The following CAPRIN1 variants were observed in gnomAD, a reference collection of about 807,000 sequenced individuals.
CAPRIN1 encodes caprin-1.
A neutral mutation model predicts 100.9 loss-of-function variants in CAPRIN1; 29 were observed. That is an observed-to-expected ratio of 0.29 (90% CI 0.21 to 0.39). The LOEUF (loss-of-function observed/expected upper bound fraction) is 0.39, where lower values mean the gene tolerates loss of function less well. Among genes scored for constraint, CAPRIN1 ranks in the 10% least tolerant of loss-of-function variants. CAPRIN1 has a pLI of 1.00. For missense variants in CAPRIN1, 795 were observed against 876.7 expected (o/e 0.91, Z 1.18); for synonymous variants, 338 against 307.5 (o/e 1.10, Z -1.04).
chr11:34,096,431 C>T (rs199861935), intron 15 of CAPRIN1, 48 bp from the exon 16 acceptor site: 16 of 1,412,824 alleles, frequency 1.1e-5, no homozygotes, highest in South Asian at 1.1e-4. Context: ...GGAGAACAAA[C>T]GGTAATGAGC....
chr11:34,065,036 T>G (rs1052582643), intron 2 of CAPRIN1, among the ~76,000 whole-genome samples: 4 of 142,990 alleles, frequency 2.8e-5, no homozygotes, highest in African/African-American at 1.0e-4. Context: ...CTCGGCTCAC[T>G]GCAAGCTCCA....
Position 34,086,094 on chromosome 11 carries a change from G to T in CAPRIN1, c.997G>T (p.Ala333Ser), listed in dbSNP as rs765697606. Residue 333 changes from alanine (A) to serine (S), a missense_variant, in exon 10 of 19, where the codon GCT becomes TCT. Ala to Ser is a moderately conservative substitution (Grantham distance 99). This residue lies in a region of CAPRIN1 where 648 missense variants were observed against 697.9 expected (regional missense o/e 0.93). Transcript: ENST00000341394. ...VVNSLQQQPQAASPSVPEPHS... is the reference protein window; with the variant it reads ...VVNSLQQQPQSASPSVPEPHS... ...AAATTCACTCCAGCAGCAACCTCAG[G>T]CTGCATCCCCTTCAGTACCAGAGCC... The T allele has an allele frequency of 8.7e-6, 14 of 1,613,798 alleles. No homozygotes were observed. The highest frequency in any genetic ancestry group is 1.3e-5 in the African/African-American group (1 of 74,836).
chr11:34,097,412 A>G, intron 17 of CAPRIN1, 116 bp downstream of exon 17: 3 of 864,342 alleles, frequency 3.5e-6, no homozygotes, highest in Non-Finnish European at 1.9e-6. Flanking sequence ...GTGGTGTCCA[A>G]GACACTCTGT....
intron 14 of CAPRIN1, 113 bp from the exon 15 acceptor site, chr11:34,091,793 A>T: frequency 1.1e-6 from 1 of 919,868 alleles, no homozygotes; most frequent in Non-Finnish European, 1.7e-6. Context: ...TTTGTGTTTG[A>T]GACCTCTGTG....
intron 11 of CAPRIN1, among the ~76,000 whole-genome samples, chr11:34,088,076 C>T (rs986458599): frequency 7.9e-5 from 12 of 152,270 alleles, no homozygotes; most frequent in East Asian, 7.7e-4. Flanking sequence ...TGGCTCGGCA[C>T]GCTGCAACCC....
chr11:34,078,006 A>T (rs1850938653), intron 6 of CAPRIN1, among the ~76,000 whole-genome samples: 1 of 152,110 alleles, frequency 6.6e-6, no homozygotes, highest in South Asian at 2.1e-4. Flanking sequence ...GTGTTATTAA[A>T]CCTTTAAGCT....
chr11:34,085,506 T>C (rs1471837901), intron 9 of CAPRIN1, among the ~76,000 whole-genome samples: 3 of 152,178 alleles, frequency 2.0e-5, no homozygotes, highest in Admixed American at 1.3e-4. Flanking sequence ...TGAAAGCAGC[T>C]TATAAAATAA....
chr11:34,097,925 A>AT, intron 18 of CAPRIN1, 164 bp downstream of exon 18: 1 of 1,372,212 alleles, frequency 7.3e-7, no homozygotes, highest in Non-Finnish European at 9.4e-7. Flanking sequence ...TTGGACCCAA[A>AT]TTTTAATTTT....
At chr11:34,066,952 G>T (rs201361968) in intron 2 of CAPRIN1, among the ~76,000 whole-genome samples, 2 of 129,730 alleles carry the variant, frequency 1.5e-5, no homozygotes, top group Non-Finnish European at 3.3e-5. Context: ...TTTTTTTTAA[G>T]ACAGTCTTAC....
intron 2 of CAPRIN1, chr11:34,053,603 A>G (rs1850383444): frequency 2.0e-5 from 3 of 152,232 alleles, no homozygotes; most frequent in African/African-American, 7.2e-5. Context: ...CTCTAAAAAA[A>G]AAAAAAATCG....
At position 34,064,954 on chromosome 11, in the gene CAPRIN1, G is replaced by GTTTT. The variant is rs10551006; in HGVS notation, c.217-6752_217-6749dup. ...TCCAAATTAAAGCTGCTGTATAATG[G>GTTTT]TTTTTTTTTTTTTTTTTTTTTTTGA... On this transcript the variant is annotated intron_variant, in intron 2 of 18. Transcript: ENST00000341394. Among the ~76,000 whole-genome samples the GTTTT allele has an allele frequency of 3.5e-3, 224 of 63,152 alleles. 5 individuals are homozygous for GTTTT. The highest frequency in any genetic ancestry group is 0.013 in the African/African-American group (210 of 16,340). 41.4% of individuals were successfully genotyped at this position (63,152 alleles called of 152,430 possible). A position where few individuals can be genotyped will look rare whatever the true frequency, so the allele number is the denominator to read the frequency against.
Position 34,052,586 on chromosome 11 carries a change from C to T in CAPRIN1, c.166C>T (p.Gln56Ter). The T allele has an allele frequency of 6.2e-7, 1 of 1,611,306 alleles. No homozygotes were observed. The highest frequency in any genetic ancestry group is 8.5e-7 in the Non-Finnish European group (1 of 1,179,226). Residue 56 changes from glutamine to a stop codon, truncating the protein, a stop_gained, in exon 2 of 19, where the codon CAG (glutamine) becomes TAG (stop). Transcript: ENST00000341394. LOFTEE classifies it high-confidence loss of function. Reference protein sequence around the residue: ...TGAVQTEAMKQILGVIDKKLR... With the variant: ...TGAVQTEAMK ...CGCTGTCCAGACCGAGGCCATGAAG[C>T]AGATTCTCGGGGTGATCGACAAGAA...
chr11:34,067,779 C>G (rs1196572740), intron 2 of CAPRIN1, among the ~76,000 whole-genome samples: 2 of 152,084 alleles, frequency 1.3e-5, no homozygotes, highest in African/African-American at 4.8e-5. Flanking sequence ...GATTGCAGGC[C>G]TGAGCAACCA....
intron 6 of CAPRIN1, among the ~76,000 whole-genome samples, chr11:34,078,627 C>G (rs958110592): frequency 2.0e-5 from 3 of 152,172 alleles, no homozygotes; most frequent in Non-Finnish European, 4.4e-5. Flanking sequence ...TTGTCCTTAA[C>G]TTCAAGGACA....
intron 6 of CAPRIN1, among the ~76,000 whole-genome samples, chr11:34,077,698 C>G (rs1042942067): frequency 2.0e-5 from 3 of 152,112 alleles, no homozygotes; most frequent in Non-Finnish European, 2.9e-5. Context: ...GAAAAGAAAT[C>G]AGATTGGATT....
At chr11:34,076,779 G>A (rs1371977546) in intron 6 of CAPRIN1, 137 bp downstream of exon 6, 1 of 651,488 alleles carries the variant, frequency 1.5e-6, no homozygotes, top group Non-Finnish European at 2.6e-6. Flanking sequence ...TGTTGCCCAG[G>A]TTGGAGTGTA....
intron 2 of CAPRIN1, among the ~76,000 whole-genome samples, chr11:34,066,842 C>T (rs1355679123): frequency 6.6e-6 from 1 of 150,750 alleles, no homozygotes; most frequent in Non-Finnish European, 1.5e-5. Context: ...CCATGTTGGC[C>T]AGGCTGGTCT....
intron 7 of CAPRIN1, among the ~76,000 whole-genome samples, chr11:34,081,206 CTT>C (rs60982279): frequency 4.9e-5 from 7 of 143,472 alleles, no homozygotes; most frequent in African/African-American, 5.1e-5. Flanking sequence ...AAGTTGAATT[CTT>C]TTTTTTTTTT....
intron 2 of CAPRIN1, among the ~76,000 whole-genome samples, chr11:34,062,190 A>G (rs1183113052): frequency 2.6e-5 from 4 of 152,126 alleles, no homozygotes; most frequent in Admixed American, 2.0e-4. Context: ...TTCACTAGCT[A>G]ACAATACTCA....
Sources: gnomAD v4.1 joint callset for allele counts (sites outside exome capture counted in the v4.1 genomes callset) on GRCh38, gnomAD v4.1.1 for gene constraint, gnomAD v4.1.1 regional missense constraint, MANE v1.5 for transcripts, NCBI Gene and HGNC (gene_info 2026-07-23, HGNC 2026-07-21) for gene names.